The following SCHIP1 variants were observed in gnomAD, a reference collection of about 807,000 sequenced individuals.
The protein encoded by SCHIP1 is schwannomin-interacting protein 1.
SCHIP1 carries 8 observed loss-of-function variants against 29.7 expected under a neutral mutation model. The ratio of observed to expected loss-of-function variants is 0.27; its 90% confidence interval spans 0.16 to 0.49. The LOEUF is 0.49. Among genes scored for constraint, SCHIP1 ranks in the 20% least tolerant of loss-of-function variants. The pLI is 0.99. For missense variants in SCHIP1, 193 were observed against 294.6 expected, an observed-to-expected ratio of 0.66 and a Z score of 2.52; for synonymous variants, 76 against 94.9, an observed-to-expected ratio of 0.80 and a Z score of 1.16.
At chr3:159,483,236 G>T in the SCHIP1 span, among the ~76,000 whole-genome samples, 1 of 152,076 alleles carries the variant, frequency 6.6e-6, no homozygotes, top group Non-Finnish European at 1.5e-5. Context: ...CTGGTTTTGT[G>T]ATTTCTATCC....
At chr3:159,831,251 A>G in the SCHIP1 span, among the ~76,000 whole-genome samples, 1 of 152,092 alleles carries the variant, frequency 6.6e-6, no homozygotes, top group African/African-American at 2.4e-5. Flanking sequence ...TGTCATGAAT[A>G]TTAGGCGGTT....
At chr3:159,790,806 C>G in the SCHIP1 span, among the ~76,000 whole-genome samples, 1 of 152,066 alleles carries the variant, frequency 6.6e-6, no homozygotes, top group African/African-American at 2.4e-5. Flanking sequence ...GCATTTTTTT[C>G]CCCTAAGCTT....
chr3:159,450,209 T>C, the SCHIP1 span, among the ~76,000 whole-genome samples: 2 of 152,242 alleles, frequency 1.3e-5, no homozygotes, highest in Non-Finnish European at 2.9e-5. Flanking sequence ...GACCATGTTT[T>C]TGGTGGACAG....
chr3:159,834,406 G>A, the SCHIP1 span, among the ~76,000 whole-genome samples: 10,218 of 152,168 alleles, frequency 0.067, 1,090 homozygotes, highest in African/African-American at 0.23. Context: ...ACTCATCTTC[G>A]TCATATCTAG....
chr3:159,384,495 G>C, the SCHIP1 span, among the ~76,000 whole-genome samples: 15 of 137,764 alleles, frequency 1.1e-4, 1 homozygote, highest in Admixed American at 1.1e-3. Context: ...TTGATGCACT[G>C]CTGGATTCGG....
chr3:159,654,842 G>A, the SCHIP1 span, among the ~76,000 whole-genome samples: 17 of 146,958 alleles, frequency 1.2e-4, no homozygotes, highest in African/African-American at 3.0e-4. Flanking sequence ...CAAACCATGC[G>A]AAGACAATCT....
At chr3:159,496,907 A>G in the SCHIP1 span, among the ~76,000 whole-genome samples, 6 of 152,370 alleles carry the variant, frequency 3.9e-5, no homozygotes, top group Admixed American at 6.5e-5. Context: ...CATATACTGC[A>G]TGGAATACTA....
At chr3:159,323,149 T>C in the SCHIP1 span, among the ~76,000 whole-genome samples, 2 of 152,240 alleles carry the variant, frequency 1.3e-5, no homozygotes, top group Admixed American at 6.5e-5. Flanking sequence ...GAAAATTATA[T>C]ACTAATTTGG....
At chr3:159,751,909 G>A in the SCHIP1 span, among the ~76,000 whole-genome samples, 64,877 of 151,928 alleles carry the variant, frequency 0.43, 14,977 homozygotes, top group Middle Eastern at 0.55. Flanking sequence ...GGAGGTGATT[G>A]AATCATAGGG....
chr3:159,644,835 T>C, the SCHIP1 span, among the ~76,000 whole-genome samples: 2 of 152,240 alleles, frequency 1.3e-5, no homozygotes, highest in Non-Finnish European at 2.9e-5. Context: ...GTCAAAAATA[T>C]TGAACACCTA....
the SCHIP1 span, among the ~76,000 whole-genome samples, chr3:159,786,710 C>CTGTGTG: frequency 1.6e-4 from 23 of 143,230 alleles, no homozygotes; most frequent in African/African-American, 5.8e-4. Flanking sequence ...CGCGTGTGCA[C>CTGTGTG]TGTGTGTGTG....
At chr3:159,306,502 G>T in the SCHIP1 span, 1 of 295,702 alleles carries the variant, frequency 3.4e-6, no homozygotes, top group African/African-American at 2.3e-5. Flanking sequence ...CACAGATGAA[G>T]AAACTGAGAG....
the SCHIP1 span, among the ~76,000 whole-genome samples, chr3:159,543,591 C>T: frequency 6.6e-6 from 1 of 151,388 alleles, no homozygotes; most frequent in Non-Finnish European, 1.5e-5. Context: ...TGTATATGTG[C>T]CACATTTTCT....
the SCHIP1 span, among the ~76,000 whole-genome samples, chr3:159,571,832 A>T: frequency 6.6e-6 from 1 of 152,130 alleles, no homozygotes; most frequent in Admixed American, 6.5e-5. Flanking sequence ...CAGAGATTCA[A>T]CTTCTTCCTG....
the SCHIP1 span, among the ~76,000 whole-genome samples, chr3:159,553,308 T>G: frequency 6.6e-6 from 1 of 151,554 alleles, no homozygotes; most frequent in African/African-American, 2.4e-5. Context: ...CTGACCCATT[T>G]GTTTTATGAG....
chr3:159,646,122 C>T, the SCHIP1 span, among the ~76,000 whole-genome samples: 2 of 152,086 alleles, frequency 1.3e-5, no homozygotes, highest in Non-Finnish European at 2.9e-5. Flanking sequence ...AGCAAAAACT[C>T]CACAGAGCAC....
chr3:159,548,701 A>G, the SCHIP1 span, among the ~76,000 whole-genome samples: 1 of 151,926 alleles, frequency 6.6e-6, no homozygotes, highest in South Asian at 2.1e-4. Context: ...TCTAGTTTTT[A>G]AATTAAAATT....
At chr3:159,481,604 A>G in the SCHIP1 span, among the ~76,000 whole-genome samples, 1 of 152,036 alleles carries the variant, frequency 6.6e-6, no homozygotes, top group East Asian at 1.9e-4. Flanking sequence ...TCACCAACCC[A>G]TTTTTCTGTA....
At chr3:159,321,340 C>G in the SCHIP1 span, among the ~76,000 whole-genome samples, 6 of 152,176 alleles carry the variant, frequency 3.9e-5, no homozygotes, top group Non-Finnish European at 7.3e-5. Context: ...GAAGTTTCTC[C>G]TTTCTGCAAT....
Sources: allele counts gnomAD v4.1 joint callset (sites outside exome capture counted in the v4.1 genomes callset), GRCh38; gene constraint gnomAD v4.1.1; transcripts MANE v1.5; gene names NCBI Gene and HGNC (gene_info 2026-07-23, HGNC 2026-07-21).